The following TULP4 variants were observed in gnomAD, a reference collection of about 807,000 sequenced individuals.
TULP4 encodes the protein tubby-related protein 4.
Under a neutral mutation model 129.0 loss-of-function variants are expected in TULP4, and 16 were observed. The observed-to-expected ratio is 0.12, with a 90% CI of 0.08 to 0.19. The LOEUF (loss-of-function observed/expected upper bound fraction) is 0.19, where lower values mean the gene tolerates loss of function less well. Ranked by LOEUF, TULP4 falls within the 10% of genes least tolerant of loss-of-function variation. TULP4 has a pLI of 1.00. For missense variants in TULP4, 1,842 were observed against 2,059.1 expected (o/e 0.89, Z 2.04); for synonymous variants, 998 against 854.0 (o/e 1.17, Z -2.94).
chr6:158,351,780 G>A lies in TULP4; in HGVS notation c.252+37512G>A, dbSNP rs564525124. ...GTTGCCCAGGTTGGAGTGCAGTGGC[G>A]CCATCTCAGCTCACTGCAGCCTCCA... On this transcript the variant is annotated intron_variant, in intron 1 of 13. Transcript: ENST00000367097. Among the ~76,000 whole-genome samples the A allele has an allele frequency of 2.5e-4, 34 of 133,782 alleles. No homozygotes were observed. In the East Asian group the frequency reaches 6.7e-3, roughly 26 times the overall value. The allele number at this position is 133,782 out of a possible 152,430, so 87.8% of individuals were successfully genotyped here.
chr6:158,472,472 T>C (rs113431098), intron 6 of TULP4, among the ~76,000 whole-genome samples: 1 of 152,166 alleles, frequency 6.6e-6, no homozygotes, highest in Non-Finnish European at 1.5e-5. Flanking sequence ...GCCTCAATAA[T>C]AGAAAGTTAA....
At chr6:158,296,055 A>C (rs1562509181) in intron 1 of TULP4, among the ~76,000 whole-genome samples, 1 of 152,214 alleles carries the variant, frequency 6.6e-6, no homozygotes, top group Admixed American at 6.5e-5. Flanking sequence ...AACTGATAAA[A>C]TTAGTTTGGC....
At chr6:158,422,678 G>T (rs1365345454) in intron 2 of TULP4, among the ~76,000 whole-genome samples, 1 of 152,230 alleles carries the variant, frequency 6.6e-6, no homozygotes, top group Non-Finnish European at 1.5e-5. Context: ...AGGTCCCCAA[G>T]TGCGGTGGAT....
intron 1 of TULP4, among the ~76,000 whole-genome samples, chr6:158,331,851 G>A (rs536030647): frequency 1.4e-5 from 2 of 145,912 alleles, no homozygotes; most frequent in East Asian, 4.1e-4. Flanking sequence ...ACCACACAGT[G>A]GGTTAAACAC....
At chr6:158,299,134 C>T (rs909469725) in intron 1 of TULP4, among the ~76,000 whole-genome samples, 5 of 149,826 alleles carry the variant, frequency 3.3e-5, no homozygotes, top group Admixed American at 1.3e-4. Flanking sequence ...TACTAGGCCT[C>T]GGTCGGGGTG....
chr6:158,283,894 G>C (rs573844138), intron 1 of TULP4, among the ~76,000 whole-genome samples: 1 of 151,928 alleles, frequency 6.6e-6, no homozygotes, highest in Admixed American at 6.6e-5. Context: ...CTCCTTTGAC[G>C]GCTTATGTAG....
intron 1 of TULP4, among the ~76,000 whole-genome samples, chr6:158,297,295 A>G (rs1285789782): frequency 6.6e-6 from 1 of 152,188 alleles, no homozygotes; most frequent in Non-Finnish European, 1.5e-5. Context: ...CCCCGCAGGC[A>G]GTCAGACCTT....
At chr6:158,260,088 C>T (rs1778324116) in intron 1 of TULP4, among the ~76,000 whole-genome samples, 2 of 152,348 alleles carry the variant, frequency 1.3e-5, no homozygotes, top group Non-Finnish European at 2.9e-5. Context: ...AATGGAAGTT[C>T]TGGCCCTCTA....
chr6:158,467,200 T>C (rs1280207951), intron 6 of TULP4, among the ~76,000 whole-genome samples: 1 of 152,096 alleles, frequency 6.6e-6, no homozygotes, highest in Non-Finnish European at 1.5e-5. Flanking sequence ...TCTACATCCT[T>C]TTGTCTTCCT....
In TULP4 at chr6:158,236,795, C is replaced by CTTTTTTTTTTTTTTTTTTTTTTTTTTTTT. The variant is rs71030149; in HGVS notation, n.68+4500_68+4528dup. 6.3e-5 allele frequency among the ~76,000 whole-genome samples: 4 copies of CTTTTTTTTTTTTTTTTTTTTTTTTTTTTT among 63,302 alleles called. 1 individual carries two copies. The highest frequency in any genetic ancestry group is 9.3e-5 in the Non-Finnish European group (3 of 32,232). The allele number at this position is 63,302 out of a possible 152,430, so 41.5% of individuals were successfully genotyped here. A position where few individuals can be genotyped will look rare whatever the true frequency, so the allele number is the denominator to read the frequency against. ...AGATGGGTAAATGCCCAATTCTTTT[C>CTTTTTTTTTTTTTTTTTTTTTTTTTTTTT]TTTTTTTTTTTTTTTTTTTTTTTTT... On this transcript the variant is annotated intron_variant and non_coding_transcript_variant, in intron 1 of 1. Transcript: ENST00000620026.
intron 1 of TULP4, among the ~76,000 whole-genome samples, chr6:158,345,508 C>T (rs1200426427): frequency 1.3e-5 from 2 of 152,314 alleles, no homozygotes; most frequent in Non-Finnish European, 2.9e-5. Context: ...GGCCGCCAGG[C>T]GTGACATCAC....
Position 158,503,297 on chromosome 6 carries a change from G to C in TULP4, c.3634G>C (p.Ala1212Pro). The change falls in exon 13 of 14, where the codon GCC becomes CCC. Residue 1212 changes from alanine (A) to proline (P), a missense_variant. Around this residue, in one of 5 missense-constraint regions of TULP4, gnomAD observed 1,089 missense variants for 987.1 expected, o/e 1.10. Coordinates refer to ENST00000367097, the MANE Select transcript of TULP4 (RefSeq NM_020245.5). This position sits in a 1 kb window ranked among gnomAD's most constrained non-coding sequence, Gnocchi z 4.3. ...GCAGGCTCCCTGCTCTCCCAAAGAT[G>C]CCCTGTCCCCAACGCAGTTTGCACA... ...GVQAPCSPKD[A>P]LSPTQFAQQE... 6.2e-7 allele frequency: 1 copy of C among 1,613,890 alleles called. No individual in the cohort carries two copies. Among genetic ancestry groups the C allele is most frequent in the Non-Finnish European group, 8.5e-7 (1 of 1,179,988 alleles).
intron 13 of TULP4, among the ~76,000 whole-genome samples, chr6:158,505,937 G>A (rs1780590426): frequency 6.6e-6 from 1 of 151,904 alleles, no homozygotes; most frequent in African/African-American, 2.4e-5. Context: ...ATAATGGGGG[G>A]TGGGCTTCTA....
intron 2 of TULP4, among the ~76,000 whole-genome samples, chr6:158,420,862 G>C (rs1358600303): frequency 2.0e-5 from 3 of 152,118 alleles, no homozygotes; most frequent in Non-Finnish European, 2.9e-5. Context: ...TAAAATCCTA[G>C]ATCTAAATTA....
intron 1 of TULP4, among the ~76,000 whole-genome samples, chr6:158,290,858 A>T (rs1778925883): frequency 6.6e-6 from 1 of 152,166 alleles, no homozygotes; most frequent in African/African-American, 2.4e-5. Flanking sequence ...TAAGCACATA[A>T]ACTAGAAACT....
At chr6:158,425,053 C>T (rs958469198) in intron 2 of TULP4, among the ~76,000 whole-genome samples, 9 of 142,320 alleles carry the variant, frequency 6.3e-5, no homozygotes, top group African/African-American at 2.3e-4. Context: ...ACTCGGGAGG[C>T]TGAGGCAGGA....
rs182359019 is a variant in TULP4 at position 158,444,089 on chromosome 6, G to A, written c.544-4907G>A. Among the ~76,000 whole-genome samples, 46 of 151,730 alleles carry A rather than the reference G, an allele frequency of 3.0e-4. 1 individual carries two copies. In the South Asian group the frequency reaches 6.9e-3, roughly 23 times the overall value. ...CAAAAAATTAGCCTGGCGTGGTGGC[G>A]CAAGCCTGTAGTCCCAGCTACTCGG... is the stretch of plus-strand genomic sequence containing the variant. On this transcript the variant is annotated intron_variant, in intron 3 of 13. Transcript: ENST00000367097.
rs377109957 is a variant in TULP4 at position 158,494,755 on chromosome 6, C to T, written c.1779C>T (p.His593=). ...TTTTTCTTTTCTTCCTACCGCAGCA[C>T]AACTATCTTGCTCAGGTCACGTCTA... ...REFPFEDITQ[H]NYLAQVTSNI... is the part of the protein sequence containing the mutation. Residue 593 remains histidine (H), a splice_region_variant and synonymous_variant, in exon 11 of 14, where the codon CAC becomes CAT. Coordinates refer to ENST00000367097, the MANE Select transcript of TULP4 (RefSeq NM_020245.5). 8 of 1,612,236 alleles carry T rather than the reference C, an allele frequency of 5.0e-6. No individual in the cohort carries two copies. Among genetic ancestry groups the T allele is most frequent in the Non-Finnish European group, 6.8e-6 (8 of 1,179,384 alleles).
chr6:158,349,465 AC>A (rs1780432169), intron 1 of TULP4, among the ~76,000 whole-genome samples: 3 of 124,142 alleles, frequency 2.4e-5, no homozygotes, highest in Admixed American at 1.7e-4. Flanking sequence ...GGCGCTCCTC[AC>A]CTCCCAGATG....
Sources: gnomAD v4.1 joint callset for allele counts (sites outside exome capture counted in the v4.1 genomes callset) on GRCh38, gnomAD v4.1.1 for gene constraint, gnomAD v4.1.1 regional missense constraint, Gnocchi (gnomAD v3.1) non-coding constraint, MANE v1.5 for transcripts, NCBI Gene and HGNC (gene_info 2026-07-23, HGNC 2026-07-21) for gene names.